Variants in SUPT3H observed in about 807,000 individuals in gnomAD.
SUPT3H encodes SPT3 homolog, SAGA and STAGA complex component.
In SUPT3H, 44 loss-of-function variants were observed where a neutral mutation model predicts 44.3. That is an observed-to-expected ratio of 0.99 (90% confidence interval 0.78 to 1.28). The LOEUF (loss-of-function observed/expected upper bound fraction) is 1.28. Ranked by LOEUF, SUPT3H falls within the 50% of genes most tolerant of loss-of-function variation. The probability of loss-of-function intolerance (pLI) is 0.00; values close to 1 mark genes in which losing one functional copy is unlikely to be tolerated. For missense variants in SUPT3H, 380 were observed against 387.1 expected, an observed-to-expected ratio of 0.98 and a Z score of 0.15; for synonymous variants, 124 against 125.6, an observed-to-expected ratio of 0.99 and a Z score of 0.09.
At chr6:45,096,369 A>G (rs1169286033) in intron 3 of SUPT3H, among the ~76,000 whole-genome samples, 1 of 152,178 alleles carries the variant, frequency 6.6e-6, no homozygotes, top group Non-Finnish European at 1.5e-5. Flanking sequence ...CGAAAGCTTT[A>G]TATAGATTTT....
chr6:45,360,317 G>C (rs900256197), intron 2 of SUPT3H, among the ~76,000 whole-genome samples: 1 of 152,176 alleles, frequency 6.6e-6, no homozygotes, highest in East Asian at 1.9e-4. Flanking sequence ...GTACTCAAGA[G>C]AGTGCCTGGT....
intron 2 of SUPT3H, among the ~76,000 whole-genome samples, chr6:45,169,574 T>C (rs1810447833): frequency 6.6e-6 from 1 of 152,228 alleles, no homozygotes; most frequent in Admixed American, 6.5e-5. Context: ...CAGGTCCTAT[T>C]GTAAACTTGC....
At chr6:45,045,470 G>A (rs113989935) in intron 3 of SUPT3H, among the ~76,000 whole-genome samples, 1,602 of 152,238 alleles carry the variant, frequency 0.011, 16 homozygotes, top group Admixed American at 0.015. Flanking sequence ...TGGTGTATAG[G>A]AATGCTTGTG....
intron 2 of SUPT3H, among the ~76,000 whole-genome samples, chr6:45,364,523 G>C (rs1794802675): frequency 6.7e-6 from 1 of 149,748 alleles, no homozygotes; most frequent in South Asian, 2.1e-4. Flanking sequence ...ATTGTCTCCT[G>C]AACCAATATA....
At chr6:45,247,575 C>A (rs959303672) in intron 2 of SUPT3H, among the ~76,000 whole-genome samples, 9 of 152,092 alleles carry the variant, frequency 5.9e-5, no homozygotes, top group Admixed American at 5.2e-4. Context: ...AATGCACATG[C>A]ATTACTACAA....
In SUPT3H at chr6:45,259,204, G is replaced by C. The variant is rs1182515421; in HGVS notation, c.101+105997C>G. On this transcript the variant is annotated intron_variant, in intron 2 of 10. Coordinates refer to ENST00000371459, the MANE Select transcript of SUPT3H (RefSeq NM_003599.4). ...TATCAGATCTTCCAATTGCGCACCA[G>C]AAATACTTTCAAAGTACCTATGTTG... Among the ~76,000 whole-genome samples, 3 of 152,080 alleles carry C rather than the reference G, an allele frequency of 2.0e-5. No homozygotes were observed. In the East Asian group the frequency reaches 5.8e-4, roughly 29 times the overall value.
At chr6:44,814,457 G>A (rs12528498) in intron 11 of SUPT3H, among the ~76,000 whole-genome samples, 7 of 152,062 alleles carry the variant, frequency 4.6e-5, no homozygotes, top group African/African-American at 1.2e-4. Context: ...TCACACACAC[G>A]GTAGGCAAAG....
chr6:44,970,188 T>C (rs986225733), intron 6 of SUPT3H, among the ~76,000 whole-genome samples: 1 of 152,158 alleles, frequency 6.6e-6, no homozygotes. Context: ...ATGAAAAATG[T>C]AGTTATTAAA....
chr6:44,885,282 G>C (rs1427288151), intron 10 of SUPT3H, among the ~76,000 whole-genome samples: 1 of 152,182 alleles, frequency 6.6e-6, no homozygotes, highest in Non-Finnish European at 1.5e-5. Flanking sequence ...CCAGCATGCA[G>C]CTGGAGATCT....
At chr6:44,943,990 T>C (rs1489953297) in intron 9 of SUPT3H, among the ~76,000 whole-genome samples, 1 of 152,132 alleles carries the variant, frequency 6.6e-6, no homozygotes, top group Admixed American at 6.5e-5. Flanking sequence ...TTTTTTTTAG[T>C]TGCTTCTCAG....
chr6:44,949,590 A>G (rs1335436763), intron 9 of SUPT3H, among the ~76,000 whole-genome samples: 1 of 143,748 alleles, frequency 7.0e-6, no homozygotes, highest in Non-Finnish European at 1.5e-5. Flanking sequence ...AACTGGTAAT[A>G]AAAGTCAGCC....
chr6:45,011,348 T>C lies in SUPT3H; in HGVS notation c.364+3453A>G, dbSNP rs555562905. ...AATTTTTAAGCTACTAATTTAACCTTTTGCTATTGTCCTGTTCAGATTTTC... is the reference window on the plus strand; with the variant it reads ...AATTTTTAAGCTACTAATTTAACCTCTTGCTATTGTCCTGTTCAGATTTTC... On this transcript the variant is annotated intron_variant, in intron 5 of 10. Coordinates refer to ENST00000371459, the MANE Select transcript of SUPT3H (RefSeq NM_003599.4). Among the ~76,000 whole-genome samples the C allele has an allele frequency of 3.3e-5, 5 of 152,186 alleles. No homozygotes were observed. In the East Asian group the frequency reaches 9.6e-4, roughly 29 times the overall value.
chr6:45,233,862 A>G (rs144187477), intron 2 of SUPT3H, among the ~76,000 whole-genome samples: 2,671 of 152,302 alleles, frequency 0.018, 50 homozygotes, highest in South Asian at 0.085. Flanking sequence ...CCTTTCTATT[A>G]ACTCTTTTAG....
At chr6:45,130,277 G>A (rs986298238) in intron 2 of SUPT3H, among the ~76,000 whole-genome samples, 2 of 152,138 alleles carry the variant, frequency 1.3e-5, no homozygotes, top group Non-Finnish European at 2.9e-5. Flanking sequence ...TATACAATAT[G>A]TGGCCTTTGT....
At chr6:45,020,497 C>T in intron 4 of SUPT3H, 49 bp downstream of exon 4, 2 of 1,420,820 alleles carry the variant, frequency 1.4e-6, no homozygotes, top group Non-Finnish European at 2.0e-6. Context: ...CATGCAAGTT[C>T]AATTAAACAA....
chr6:45,200,498 T>A (rs141861863), intron 2 of SUPT3H, among the ~76,000 whole-genome samples: 1 of 151,650 alleles, frequency 6.6e-6, no homozygotes, highest in East Asian at 1.9e-4. Context: ...AGCCTCATAT[T>A]TTTTAGGTGC....
intron 3 of SUPT3H, among the ~76,000 whole-genome samples, chr6:45,050,089 G>A (rs1562339496): frequency 6.6e-6 from 1 of 152,144 alleles, no homozygotes; most frequent in Non-Finnish European, 1.5e-5. Flanking sequence ...AGTATGGCAA[G>A]TCTAGGATTC....
At chr6:45,000,634 T>C (rs1781892391) in intron 6 of SUPT3H, among the ~76,000 whole-genome samples, 1 of 152,116 alleles carries the variant, frequency 6.6e-6, no homozygotes, top group East Asian at 1.9e-4. Context: ...CAAATTCAGA[T>C]GACTACCTGG....
At chr6:44,858,177 G>A (rs944698875) in intron 10 of SUPT3H, among the ~76,000 whole-genome samples, 3 of 152,124 alleles carry the variant, frequency 2.0e-5, no homozygotes, top group African/African-American at 7.2e-5. Flanking sequence ...TGAACCTTGA[G>A]GGTAGGGAAT....
Sources: allele counts gnomAD v4.1 joint callset (sites outside exome capture counted in the v4.1 genomes callset), GRCh38; gene constraint gnomAD v4.1.1; transcripts MANE v1.5; gene names NCBI Gene and HGNC (gene_info 2026-07-23, HGNC 2026-07-21).